Variants in CDH4 observed in about 807,000 individuals in gnomAD.
The protein encoded by CDH4 is cadherin 4.
Under a neutral mutation model 86.0 loss-of-function variants are expected in CDH4, and 33 were observed. The observed-to-expected ratio is 0.38, with a 90% confidence interval of 0.29 to 0.51. The LOEUF (loss-of-function observed/expected upper bound fraction) is 0.51. Ranked by LOEUF, CDH4 falls within the 20% of genes least tolerant of loss-of-function variation. The probability of loss-of-function intolerance (pLI) is 0.86; values close to 1 mark genes in which losing one functional copy is unlikely to be tolerated. For missense variants in CDH4, 1,114 were observed against 1,307.4 expected (o/e 0.85, Z 2.28); for synonymous variants, 555 against 549.4 (o/e 1.01, Z -0.14).
intron 2 of CDH4, among the ~76,000 whole-genome samples, chr20:61,405,101 A>G (rs1309282715): frequency 6.6e-6 from 1 of 152,172 alleles, no homozygotes; most frequent in Non-Finnish European, 1.5e-5. Context: ...GTGAATCTAA[A>G]TGAGTCTTTG....
intron 2 of CDH4, among the ~76,000 whole-genome samples, chr20:61,655,891 C>A (rs1293738227): frequency 6.6e-6 from 1 of 152,164 alleles, no homozygotes; most frequent in East Asian, 1.9e-4. Flanking sequence ...AGAGAGCAGC[C>A]GAGCTCCAAG....
chr20:61,810,229 G>A lies in CDH4; in HGVS notation c.577-34439G>A, dbSNP rs1253213143. Among the ~76,000 whole-genome samples the A allele has an allele frequency of 3.3e-5, 5 of 152,318 alleles. No homozygotes were observed. The highest frequency in any genetic ancestry group is 2.1e-4 in the South Asian group (1 of 4,826). ...CACTAACATCCCACTGGCAGACCCC[G>A]GGAAAGGCCATGGCCACCCACATGG... On this transcript the variant is annotated intron_variant, in intron 4 of 15. Coordinates refer to ENST00000614565, the MANE Select transcript of CDH4 (RefSeq NM_001794.5). The surrounding 1 kb of genome is among the most constrained non-coding windows in gnomAD (Gnocchi z 4.3).
chr20:61,397,424 G>A lies in CDH4; in HGVS notation c.169+142487G>A, dbSNP rs948828393. 3.5e-5 allele frequency among the ~76,000 whole-genome samples: 5 copies of A among 144,370 alleles called. 1 individual carries two copies. Among genetic ancestry groups the A allele is most frequent in the East Asian group, 3.9e-4 (2 of 5,172 alleles). The allele number at this position is 144,370 out of a possible 152,430, so 94.7% of individuals were successfully genotyped here. On this transcript the variant is annotated intron_variant, in intron 2 of 15. Coordinates refer to ENST00000614565, the MANE Select transcript of CDH4 (RefSeq NM_001794.5). ...GTTCACGACCTTCAGGCTTCCTTGC[G>A]CATATCACATGCTTCCTAAACGCAT...
intron 7 of CDH4, among the ~76,000 whole-genome samples, chr20:61,887,494 C>T (rs939287511): frequency 6.6e-6 from 1 of 152,148 alleles, no homozygotes; most frequent in Non-Finnish European, 1.5e-5. Context: ...CAGGCATGCA[C>T]ACTCGTGCAC....
intron 4 of CDH4, among the ~76,000 whole-genome samples, chr20:61,837,099 G>A (rs1049791578): frequency 6.6e-6 from 1 of 152,232 alleles, no homozygotes; most frequent in Non-Finnish European, 1.5e-5. Flanking sequence ...AGACTGAGGT[G>A]GGAGGATCAC....
intron 3 of CDH4, among the ~76,000 whole-genome samples, chr20:61,755,354 G>A (rs900970267): frequency 8.1e-5 from 11 of 136,374 alleles, no homozygotes; most frequent in African/African-American, 3.1e-4. Context: ...CACACATAGT[G>A]CATGCCACAC....
intron 3 of CDH4, among the ~76,000 whole-genome samples, chr20:61,758,890 G>A (rs1025061971): frequency 3.9e-5 from 6 of 152,144 alleles, no homozygotes; most frequent in South Asian, 2.1e-4. Flanking sequence ...TGCTTGGGCC[G>A]TTAGCTCTCG....
chr20:61,300,399 G>A (rs1246308536), intron 2 of CDH4, among the ~76,000 whole-genome samples: 1 of 152,158 alleles, frequency 6.6e-6, no homozygotes, highest in Non-Finnish European at 1.5e-5. Flanking sequence ...AGTCTCGGCT[G>A]GGTGGGTTGC....
chr20:61,608,127 T>C (rs1028489711), intron 2 of CDH4, among the ~76,000 whole-genome samples: 5 of 152,112 alleles, frequency 3.3e-5, no homozygotes, highest in Admixed American at 6.6e-5. Flanking sequence ...TCTGAGAAGA[T>C]CCTGGGCTGC....
At chr20:61,336,682 G>A (rs1270584925) in intron 2 of CDH4, among the ~76,000 whole-genome samples, 1 of 152,166 alleles carries the variant, frequency 6.6e-6, no homozygotes, top group African/African-American at 2.4e-5. Context: ...CCAAAAATGG[G>A]GGAGATTGTC....
intron 4 of CDH4, among the ~76,000 whole-genome samples, chr20:61,802,430 C>G (rs6142870): frequency 6.6e-6 from 1 of 152,230 alleles, no homozygotes; most frequent in African/African-American, 2.4e-5. Flanking sequence ...TGTGAGGAAA[C>G]TGAAGCTCCC....
chr20:61,317,013 C>CTT (rs71185915), intron 2 of CDH4, among the ~76,000 whole-genome samples: 154 of 143,584 alleles, frequency 1.1e-3, no homozygotes, highest in South Asian at 8.4e-3. Context: ...CCTGCTATTT[C>CTT]TTTTTTTTTT....
intron 3 of CDH4, among the ~76,000 whole-genome samples, chr20:61,763,270 G>A (rs2088659121): frequency 6.7e-6 from 1 of 148,982 alleles, no homozygotes; most frequent in African/African-American, 2.5e-5. Flanking sequence ...CTTCCTCACT[G>A]AACTTGGCAG....
rs538879677 is a variant in CDH4 at position 61,383,711 on chromosome 20, T to G, written c.169+128774T>G. ...GATATATGATATATATGAATGTATATGATATATGATATATAAATATATGAT... is the reference window on the plus strand; with the variant it reads ...GATATATGATATATATGAATGTATAGGATATATGATATATAAATATATGAT... On this transcript the variant is annotated intron_variant, in intron 2 of 15. Coordinates refer to ENST00000614565, the MANE Select transcript of CDH4 (RefSeq NM_001794.5). 1.1e-4 allele frequency among the ~76,000 whole-genome samples: 16 copies of G among 140,332 alleles called. 2 individuals are homozygous for G. The South Asian group carries it at 3.5e-3, about 31-fold the overall frequency. The allele number at this position is 140,332 out of a possible 152,430, so 92.1% of individuals were successfully genotyped here.
At chr20:61,380,614 G>A (rs1470196076) in intron 2 of CDH4, among the ~76,000 whole-genome samples, 1 of 148,654 alleles carries the variant, frequency 6.7e-6, no homozygotes, top group Non-Finnish European at 1.5e-5. Flanking sequence ...ATATCTTTCG[G>A]GAGGATGAAA....
intron 8 of CDH4, among the ~76,000 whole-genome samples, chr20:61,900,868 G>A (rs2427232): frequency 0.79 from 120,639 of 151,784 alleles, 48,892 homozygotes; most frequent in Non-Finnish European, 0.88. Flanking sequence ...TGTGAGGACC[G>A]AATATTCCCG....
At chr20:61,764,882 T>C (rs961975422) in intron 3 of CDH4, among the ~76,000 whole-genome samples, 2 of 152,218 alleles carry the variant, frequency 1.3e-5, no homozygotes, top group Non-Finnish European at 2.9e-5. Context: ...CTAGGACCCG[T>C]GCCTGGAGGC....
intron 2 of CDH4, among the ~76,000 whole-genome samples, chr20:61,468,081 TAGAGCCTCC>T (rs2085483254): frequency 6.6e-6 from 1 of 152,222 alleles, no homozygotes; most frequent in Non-Finnish European, 1.5e-5. Flanking sequence ...GGAGGCTCAC[TAGAGCCTCC>T]ATGTCCAGAG....
In CDH4 at chr20:61,256,280, G is replaced by A. The variant is rs78221718; in HGVS notation, c.169+1343G>A. Reference sequence around the variant, plus strand: ...GTCTGCTGTGTGCATGTCCTGCTGTGCTGAAACTGGCATCCTTAAGTTCTC... The same window carrying A: ...GTCTGCTGTGTGCATGTCCTGCTGTACTGAAACTGGCATCCTTAAGTTCTC... On this transcript the variant is annotated intron_variant, in intron 2 of 15. Coordinates refer to ENST00000614565, the MANE Select transcript of CDH4 (RefSeq NM_001794.5). Among the ~76,000 whole-genome samples the A allele has an allele frequency of 0.016, 2,511 of 152,286 alleles. 121 individuals carry two copies. The East Asian group carries it at 0.18, about 11-fold the overall frequency.
Sources: allele counts gnomAD v4.1 joint callset (sites outside exome capture counted in the v4.1 genomes callset), GRCh38; gene constraint gnomAD v4.1.1; non-coding constraint Gnocchi (gnomAD v3.1); transcripts MANE v1.5; gene names NCBI Gene and HGNC (gene_info 2026-07-23, HGNC 2026-07-21).